Variants in CRYL1 observed in about 807,000 individuals in gnomAD.
The protein encoded by CRYL1 is lambda-crystallin homolog.
A neutral mutation model predicts 36.6 loss-of-function variants in CRYL1; 29 were observed. That is an observed-to-expected ratio of 0.79 (90% CI 0.59 to 1.08). The LOEUF is 1.08. Ranked by LOEUF, CRYL1 falls within the 50% of genes least tolerant of loss-of-function variation. The pLI is 0.00. For missense variants in CRYL1, 411 were observed against 407.9 expected (o/e 1.01, Z -0.06); for synonymous variants, 152 against 151.5 (o/e 1.00, Z -0.02).
intron 2 of CRYL1, among the ~76,000 whole-genome samples, chr13:20,496,844 C>CAAAAAA (rs33925139): frequency 8.3e-6 from 1 of 120,464 alleles, no homozygotes; most frequent in African/African-American, 3.3e-5. Context: ...GACCCCGTCT[C>CAAAAAA]AAAAAAAAAA....
At chr13:20,522,683 C>T (rs971496025) in intron 1 of CRYL1, among the ~76,000 whole-genome samples, 3 of 151,796 alleles carry the variant, frequency 2.0e-5, no homozygotes, top group East Asian at 1.9e-4. Flanking sequence ...GAGTGTGCCC[C>T]CTAAAAAGCA....
intron 5 of CRYL1, chr13:20,430,555 G>A (rs765121364): frequency 2.6e-5 from 26 of 985,178 alleles, no homozygotes; most frequent in Non-Finnish European, 2.8e-5. Context: ...TCACCCCTCC[G>A]CCTGCCCTCC....
chr13:20,520,829 G>A (rs540446517), intron 1 of CRYL1, among the ~76,000 whole-genome samples: 1 of 152,182 alleles, frequency 6.6e-6, no homozygotes, highest in Non-Finnish European at 1.5e-5. Flanking sequence ...ACCCGGGCCG[G>A]GCACGGTGGC....
chr13:20,500,225 T>G (rs1222554154), intron 2 of CRYL1, among the ~76,000 whole-genome samples: 1 of 152,214 alleles, frequency 6.6e-6, no homozygotes, highest in Admixed American at 6.5e-5. Flanking sequence ...TCTGAAGAAT[T>G]TTTTTCTTTT....
At chr13:20,523,142 C>T (rs974071805) in intron 1 of CRYL1, among the ~76,000 whole-genome samples, 1 of 152,002 alleles carries the variant, frequency 6.6e-6, no homozygotes, top group Non-Finnish European at 1.5e-5. Flanking sequence ...GTCTCGAACC[C>T]CTGACCTCAG....
At position 20,415,765 on chromosome 13, in the gene CRYL1, C is replaced by T. The variant is rs1411297359; in HGVS notation, c.634-2378G>A. Among the ~76,000 whole-genome samples, 1 of 152,260 alleles carries T rather than the reference C, an allele frequency of 6.6e-6. No individual in the cohort carries two copies. The highest frequency in any genetic ancestry group is 2.4e-5 in the African/African-American group (1 of 41,468). On this transcript the variant is annotated intron_variant, in intron 5 of 7. Transcript: ENST00000298248. The surrounding 1 kb of genome is among the most constrained non-coding windows in gnomAD (Gnocchi z 4.1). ...AATTGCGGCTTTCCCGCTTTTCAGA[C>T]TGGCCGCCCGTGTTCACATTCCTCA...
intron 5 of CRYL1, among the ~76,000 whole-genome samples, chr13:20,429,175 C>A (rs2031999248): frequency 6.6e-6 from 1 of 152,188 alleles, no homozygotes; most frequent in South Asian, 2.1e-4. Flanking sequence ...GCCTTTGGAG[C>A]TTTTCAACTT....
intron 5 of CRYL1, among the ~76,000 whole-genome samples, chr13:20,428,605 T>G (rs2031985298): frequency 6.6e-6 from 1 of 152,162 alleles, no homozygotes. Flanking sequence ...TTATCACCAC[T>G]TAGTGAGTGG....
chr13:20,439,426 C>T (rs2032302013), intron 4 of CRYL1, among the ~76,000 whole-genome samples, 167 bp downstream of exon 4: 1 of 148,394 alleles, frequency 6.7e-6, no homozygotes, highest in South Asian at 2.1e-4. Flanking sequence ...ACAATTTGAA[C>T]TGGCAAATTG....
chr13:20,486,026 C>G (rs932410124), intron 3 of CRYL1, among the ~76,000 whole-genome samples: 17 of 152,228 alleles, frequency 1.1e-4, no homozygotes, highest in African/African-American at 4.1e-4. Context: ...TCAGGAAATC[C>G]TCCCACCTCA....
chr13:20,478,956 G>A (rs2137457711), intron 3 of CRYL1, among the ~76,000 whole-genome samples: 1 of 151,284 alleles, frequency 6.6e-6, no homozygotes, highest in African/African-American at 2.4e-5. Flanking sequence ...TAGAGACGGG[G>A]TTTCACCATG....
intron 1 of CRYL1, among the ~76,000 whole-genome samples, chr13:20,524,721 C>T (rs2034157967): frequency 6.6e-6 from 1 of 152,058 alleles, no homozygotes; most frequent in Admixed American, 6.5e-5. Flanking sequence ...ACCACGGGCA[C>T]TCATGGGCCA....
At chr13:20,407,612 C>T (rs1166564308) in intron 6 of CRYL1, among the ~76,000 whole-genome samples, 1 of 152,194 alleles carries the variant, frequency 6.6e-6, no homozygotes, top group Non-Finnish European at 1.5e-5. Context: ...AATCCAGCCT[C>T]CCCTGTATTT....
chr13:20,508,876 C>CAAAAAA (rs869116656), intron 2 of CRYL1, among the ~76,000 whole-genome samples: 1 of 41,424 alleles, frequency 2.4e-5, no homozygotes, highest in African/African-American at 8.7e-5. Context: ...AAAAAAAAAA[C>CAAAAAA]AAAAAAAAAA....
intron 3 of CRYL1, among the ~76,000 whole-genome samples, chr13:20,463,097 T>C (rs2032864502): frequency 6.6e-6 from 1 of 152,192 alleles, no homozygotes; most frequent in Non-Finnish European, 1.5e-5. Context: ...TGAGCCTCAG[T>C]GTGGACGCCT....
chr13:20,470,253 C>A lies in CRYL1; in HGVS notation c.276+19117G>T, dbSNP rs2033025839. Reference sequence around the variant, plus strand: ...CCCACTGCCGCGACTCAGGCCTGGCCCCGGGTGCAAGTTCAAGCACAGCCT... The same window carrying A: ...CCCACTGCCGCGACTCAGGCCTGGCACCGGGTGCAAGTTCAAGCACAGCCT... On this transcript the variant is annotated intron_variant, in intron 3 of 7. Transcript: ENST00000298248. Among the ~76,000 whole-genome samples, 3 of 152,280 alleles carry A rather than the reference C, an allele frequency of 2.0e-5. No individual in the cohort carries two copies. The South Asian group carries it at 6.2e-4, about 32-fold the overall frequency.
intron 5 of CRYL1, chr13:20,418,436 G>A (rs949183738): frequency 1.3e-5 from 2 of 152,236 alleles, no homozygotes; most frequent in Non-Finnish European, 2.9e-5. Context: ...GAGGAAGGCA[G>A]GAGAGAAACT....
At chr13:20,428,299 G>A (rs111540429) in intron 5 of CRYL1, among the ~76,000 whole-genome samples, 2,132 of 152,168 alleles carry the variant, frequency 0.014, 49 homozygotes, top group African/African-American at 0.049. Context: ...TCAGATTTTC[G>A]GATTAGGGAT....
At chr13:20,500,023 C>T (rs373906292) in intron 2 of CRYL1, among the ~76,000 whole-genome samples, 9 of 152,256 alleles carry the variant, frequency 5.9e-5, no homozygotes, top group African/African-American at 1.9e-4. Flanking sequence ...CTGATAACTT[C>T]GGAGATTGTG....
Sources: gnomAD v4.1 joint callset for allele counts (sites outside exome capture counted in the v4.1 genomes callset) on GRCh38, gnomAD v4.1.1 for gene constraint, Gnocchi (gnomAD v3.1) non-coding constraint, MANE v1.5 for transcripts, NCBI Gene and HGNC (gene_info 2026-07-23, HGNC 2026-07-21) for gene names.